Variants in ANO10 observed in about 807,000 individuals in gnomAD.
ANO10 encodes anoctamin-10.
A neutral mutation model predicts 74.7 loss-of-function variants in ANO10; 77 were observed. The ratio of observed to expected loss-of-function variants is 1.03; its 90% CI spans 0.86 to 1.25. The LOEUF (loss-of-function observed/expected upper bound fraction) is 1.25, where lower values mean the gene tolerates loss of function less well. ANO10 is among the 50% of genes most tolerant of loss of function. ANO10 has a pLI of 0.00. For synonymous variants in ANO10, 279 were observed against 284.9 expected, an observed-to-expected ratio of 0.98 and a Z score of 0.21; for missense variants, 721 against 778.1, an observed-to-expected ratio of 0.93 and a Z score of 0.87.
chr3:43,495,569 G>A (rs1034220705), intron 11 of ANO10, among the ~76,000 whole-genome samples: 6 of 152,202 alleles, frequency 3.9e-5, no homozygotes, highest in Middle Eastern at 3.2e-3. Context: ...TAAGTCATGT[G>A]TAGGCAGCTT....
Position 43,376,713 on chromosome 3 carries a change from T to TG in ANO10, c.1915-9740_1915-9739insC, listed in dbSNP as rs777834151. Among the ~76,000 whole-genome samples the TG allele has an allele frequency of 3.0e-4, 45 of 152,338 alleles. No individual in the cohort carries two copies. In the East Asian group the frequency reaches 5.4e-3, roughly 18 times the overall value. On this transcript the variant is annotated intron_variant, in intron 12 of 12. Coordinates refer to ENST00000292246, the MANE Select transcript of ANO10 (RefSeq NM_018075.5). Reference sequence around the variant, plus strand: ...CAAATAATAATGTAAAAATAACATGTAATCAGTTTGCCTCCAAATCACAGG... The same window carrying TG: ...CAAATAATAATGTAAAAATAACATGTGAATCAGTTTGCCTCCAAATCACAGG...
At chr3:43,641,307 G>A (rs2083667804) in intron 1 of ANO10, among the ~76,000 whole-genome samples, 2 of 152,202 alleles carry the variant, frequency 1.3e-5, no homozygotes. Context: ...CCCTGTTATG[G>A]TAGACATATC....
chr3:43,372,809 T>C (rs1251434564), intron 12 of ANO10: 2 of 1,534,222 alleles, frequency 1.3e-6, no homozygotes, highest in African/African-American at 2.7e-5. Flanking sequence ...TGGTGCTCCA[T>C]GAATACCGTG....
chr3:43,485,946 C>A (rs1401378737), intron 11 of ANO10: 12 of 231,348 alleles, frequency 5.2e-5, no homozygotes, highest in South Asian at 5.0e-4. Context: ...GTTAATTGCA[C>A]TTGAAGAAAA....
chr3:43,369,174 G>A (rs1257967697), intron 12 of ANO10, among the ~76,000 whole-genome samples: 1 of 152,260 alleles, frequency 6.6e-6, no homozygotes, highest in Non-Finnish European at 1.5e-5. Flanking sequence ...ATGTGCCCAT[G>A]AGGGGCTTCT....
intron 11 of ANO10, among the ~76,000 whole-genome samples, chr3:43,545,444 G>A (rs2079145282): frequency 6.6e-6 from 1 of 152,032 alleles, no homozygotes; most frequent in African/African-American, 2.4e-5. Context: ...CGCAATCTCG[G>A]CTTACCATAA....
chr3:43,515,701 G>A (rs1291558196), intron 11 of ANO10, among the ~76,000 whole-genome samples: 1 of 152,154 alleles, frequency 6.6e-6, no homozygotes, highest in African/African-American at 2.4e-5. Context: ...TAAAAGCACA[G>A]CTGATGAGTT....
Position 43,561,078 on chromosome 3 carries a change from T to C in ANO10, c.1476+142A>G, listed in dbSNP as rs138943582. 574 of 934,952 alleles carry C rather than the reference T, an allele frequency of 6.1e-4. 3 individuals are homozygous for C. The African/African-American group carries it at 8.2e-3, about 13-fold the overall frequency. The allele number at this position is 934,952 out of a possible 1,614,324, so 57.9% of individuals were successfully genotyped here. A position where few individuals can be genotyped will look rare whatever the true frequency, so the allele number is the denominator to read the frequency against. On this transcript the variant is annotated intron_variant, in intron 9 of 12. Transcript: ENST00000292246. ...AAGTTCTATCCCTTTCACTTTAAAG[T>C]GGTTCATGATGAGGAAACTGACTGG...
intron 12 of ANO10, among the ~76,000 whole-genome samples, chr3:43,369,477 A>G (rs2091528482): frequency 6.6e-6 from 1 of 152,230 alleles, no homozygotes; most frequent in Non-Finnish European, 1.5e-5. Context: ...TCCTGGAGCA[A>G]GGCTTCTTTT....
chr3:43,646,901 C>T (rs536386526), intron 1 of ANO10, among the ~76,000 whole-genome samples: 36 of 152,300 alleles, frequency 2.4e-4, no homozygotes, highest in African/African-American at 8.7e-4. Flanking sequence ...CTGTCCCTTT[C>T]AAGTATTATG....
chr3:43,528,213 A>G (rs557969889), intron 11 of ANO10, among the ~76,000 whole-genome samples: 83 of 152,102 alleles, frequency 5.5e-4, no homozygotes, highest in African/African-American at 1.9e-3. Context: ...AAACGAAAAA[A>G]AAAAGCAGAT....
chr3:43,553,599 C>T (rs1291458922), intron 10 of ANO10, among the ~76,000 whole-genome samples: 1 of 150,112 alleles, frequency 6.7e-6, no homozygotes, highest in Non-Finnish European at 1.5e-5. Context: ...TGCAGTGGCG[C>T]AATCCAGCTC....
intron 2 of ANO10, among the ~76,000 whole-genome samples, chr3:43,602,807 G>GT (rs1397102871): frequency 2.6e-5 from 4 of 152,188 alleles, no homozygotes; most frequent in Non-Finnish European, 5.9e-5. Flanking sequence ...GGCCTTTAAT[G>GT]TAAGGTCTTC....
intron 1 of ANO10, among the ~76,000 whole-genome samples, chr3:43,618,406 G>A (rs2083227069): frequency 6.6e-6 from 1 of 152,182 alleles, no homozygotes; most frequent in Non-Finnish European, 1.5e-5. Flanking sequence ...TCTCACTCAT[G>A]CCTCCATCTA....
intron 12 of ANO10, among the ~76,000 whole-genome samples, chr3:43,386,830 A>C (rs76671363): frequency 0.043 from 6,559 of 152,164 alleles, 394 homozygotes; most frequent in African/African-American, 0.13. Context: ...AAGGGGGTTC[A>C]ACCTGGAGAA....
intron 11 of ANO10, among the ~76,000 whole-genome samples, chr3:43,443,482 T>C (rs140226388): frequency 5.3e-4 from 80 of 152,210 alleles, no homozygotes; most frequent in African/African-American, 1.8e-3. Flanking sequence ...CAGGGAGACC[T>C]TGAGGCTCCC....
intron 11 of ANO10, among the ~76,000 whole-genome samples, chr3:43,478,483 T>C (rs2076155563): frequency 1.3e-5 from 2 of 152,220 alleles, no homozygotes; most frequent in South Asian, 2.1e-4. Flanking sequence ...ATCTTAGCTG[T>C]CTGACTCCAG....
chr3:43,616,229 G>A (rs1007213006), intron 1 of ANO10, among the ~76,000 whole-genome samples: 1 of 152,058 alleles, frequency 6.6e-6, no homozygotes, highest in Non-Finnish European at 1.5e-5. Flanking sequence ...TTAAGCCCTC[G>A]CTATCATGTT....
At chr3:43,438,945 A>C (rs1300455819) in intron 11 of ANO10, among the ~76,000 whole-genome samples, 1 of 152,152 alleles carries the variant, frequency 6.6e-6, no homozygotes. Context: ...CCAGAGGAGA[A>C]GAGACAGAAA....
Sources: allele counts gnomAD v4.1 joint callset (sites outside exome capture counted in the v4.1 genomes callset), GRCh38; gene constraint gnomAD v4.1.1; transcripts MANE v1.5; gene names NCBI Gene and HGNC (gene_info 2026-07-23, HGNC 2026-07-21).